OXR1: variants seen among roughly 807,000 people sequenced by gnomAD.
OXR1 encodes the protein oxidation resistance protein 1.
A neutral mutation model predicts 104.6 loss-of-function variants in OXR1; 41 were observed. The ratio of observed to expected loss-of-function variants is 0.39; its 90% confidence interval spans 0.31 to 0.51. The LOEUF is 0.51. Ranked by LOEUF, OXR1 falls within the 20% of genes least tolerant of loss-of-function variation. OXR1 has a pLI of 0.77. For synonymous variants in OXR1, 348 were observed against 348.4 expected, an observed-to-expected ratio of 1.00 and a Z score of 0.01; for missense variants, 955 against 1,031.9, an observed-to-expected ratio of 0.93 and a Z score of 1.02.
chr8:106,555,571 A>G (rs10429432), intron 3 of OXR1, among the ~76,000 whole-genome samples: 63,051 of 151,772 alleles, frequency 0.42, 13,326 homozygotes, highest in Admixed American at 0.45. Context: ...CCCAATTCCA[A>G]TGGAATATAA....
intron 2 of OXR1, among the ~76,000 whole-genome samples, chr8:106,404,092 G>A (rs1586609378): frequency 6.6e-6 from 1 of 152,130 alleles, no homozygotes; most frequent in Admixed American, 6.6e-5. Context: ...TCAGATGGGG[G>A]TGGAAAGCCC....
At chr8:106,637,340 T>C (rs1823229194) in intron 3 of OXR1, among the ~76,000 whole-genome samples, 1 of 152,156 alleles carries the variant, frequency 6.6e-6, no homozygotes, top group Non-Finnish European at 1.5e-5. Flanking sequence ...TATATATATA[T>C]ATCCAAAATG....
At chr8:106,410,995 C>G (rs1179144816) in intron 2 of OXR1, among the ~76,000 whole-genome samples, 1 of 152,036 alleles carries the variant, frequency 6.6e-6, no homozygotes, top group East Asian at 1.9e-4. Context: ...TGGTACTATG[C>G]TAAGTGCTGA....
intron 2 of OXR1, among the ~76,000 whole-genome samples, chr8:106,427,441 A>G (rs1272253143): frequency 6.6e-6 from 1 of 152,148 alleles, no homozygotes; most frequent in East Asian, 1.9e-4. Context: ...GGCTGGGATT[A>G]CAGGCATGAA....
At chr8:106,291,565 G>T (rs1812752625) in intron 1 of OXR1, among the ~76,000 whole-genome samples, 1 of 152,168 alleles carries the variant, frequency 6.6e-6, no homozygotes, top group Admixed American at 6.5e-5. Flanking sequence ...CAAGGTTTCT[G>T]TTACCAGTGG....
At chr8:106,326,223 A>T (rs1255455145) in intron 1 of OXR1, among the ~76,000 whole-genome samples, 1 of 152,224 alleles carries the variant, frequency 6.6e-6, no homozygotes, top group Admixed American at 6.5e-5. Flanking sequence ...AGCATTCCCA[A>T]GGTAAAGCAG....
chr8:106,455,959 CA>C (rs1820575790), intron 2 of OXR1, among the ~76,000 whole-genome samples: 2 of 152,110 alleles, frequency 1.3e-5, no homozygotes, highest in African/African-American at 4.8e-5. Context: ...TTTTCTATAA[CA>C]TTTTTATAAC....
In OXR1 at chr8:106,685,291, T is replaced by G. The variant is rs576893748; in HGVS notation, c.525+932T>G. On this transcript the variant is annotated intron_variant, in intron 6 of 16. Coordinates refer to ENST00000517566, the MANE Select transcript of OXR1 (RefSeq NM_001198533.2). ...AAAGAGATGTACTCATAAGGGGCAA[T>G]GACAAAGTAACTACGTAGCCTTAGG... Among the ~76,000 whole-genome samples, 37 of 152,272 alleles carry G rather than the reference T, an allele frequency of 2.4e-4. No individual in the cohort carries two copies. The South Asian group carries it at 7.5e-3, about 31-fold the overall frequency.
intron 3 of OXR1, among the ~76,000 whole-genome samples, chr8:106,557,030 C>A (rs548642782): frequency 3.0e-4 from 45 of 152,202 alleles, no homozygotes; most frequent in African/African-American, 1.0e-3. Context: ...TCTTTTTTCC[C>A]CAAACTCTTA....
chr8:106,744,902 T>C (rs1279494117), intron 15 of OXR1, among the ~76,000 whole-genome samples: 1 of 152,176 alleles, frequency 6.6e-6, no homozygotes, highest in African/African-American at 2.4e-5. Flanking sequence ...CTTAACTAGC[T>C]CACCAGAATA....
At chr8:106,596,390 G>A (rs533637019) in intron 3 of OXR1, among the ~76,000 whole-genome samples, 5 of 152,222 alleles carry the variant, frequency 3.3e-5, no homozygotes, top group Admixed American at 2.6e-4. Context: ...AGTTTGCAGT[G>A]AGTTGAGATC....
In OXR1 at chr8:106,341,390, C is replaced by CATATATATATATATATATAT. The variant is rs138432601; in HGVS notation, c.-138-18069_-138-18068insTATATATATATATATATATA. On this transcript the variant is annotated intron_variant, in intron 1 of 16. Transcript: ENST00000517566. The stretch of plus-strand genomic sequence containing the variant: ...CTCATTTATTCAATTAGTCAATCTA[C>CATATATATATATATATATAT]ATATATATATATATATACTTTCTAA... Among the ~76,000 whole-genome samples the CATATATATATATATATATAT allele has an allele frequency of 8.5e-3, 1,242 of 145,816 alleles. 10 individuals are homozygous for CATATATATATATATATATAT. Among genetic ancestry groups the CATATATATATATATATATAT allele is most frequent in the Non-Finnish European group, 9.9e-3 (658 of 66,188 alleles).
intron 3 of OXR1, among the ~76,000 whole-genome samples, chr8:106,669,899 G>A (rs1826759186): frequency 1.3e-5 from 2 of 152,092 alleles, no homozygotes; most frequent in Admixed American, 1.3e-4. Context: ...AGGTAATTCA[G>A]ACTATCCTGC....
intron 2 of OXR1, among the ~76,000 whole-genome samples, chr8:106,387,830 A>T (rs888755181): frequency 6.6e-6 from 1 of 152,224 alleles, no homozygotes; most frequent in Non-Finnish European, 1.5e-5. Flanking sequence ...TATGCATCAC[A>T]TCAGTACTAA....
intron 11 of OXR1, among the ~76,000 whole-genome samples, chr8:106,733,961 C>A (rs1834141074): frequency 6.7e-6 from 1 of 148,546 alleles, no homozygotes. Context: ...TTTTTCAAAT[C>A]AAACTTCACT....
At chr8:106,652,272 G>C (rs1391105336) in intron 3 of OXR1, among the ~76,000 whole-genome samples, 1 of 152,088 alleles carries the variant, frequency 6.6e-6, no homozygotes, top group Non-Finnish European at 1.5e-5. Flanking sequence ...AGGAGCTTAA[G>C]AGAGGCAGCA....
At chr8:106,289,904 A>G (rs899102076) in intron 1 of OXR1, among the ~76,000 whole-genome samples, 1 of 152,116 alleles carries the variant, frequency 6.6e-6, no homozygotes, top group Non-Finnish European at 1.5e-5. Flanking sequence ...TGATGGTTTT[A>G]TAAGGGACTT....
intron 1 of OXR1, among the ~76,000 whole-genome samples, chr8:106,340,881 A>G (rs1815218969): frequency 6.6e-6 from 1 of 152,186 alleles, no homozygotes; most frequent in East Asian, 1.9e-4. Flanking sequence ...TGTATTATTC[A>G]ACATTTACTG....
chr8:106,683,157 C>T (rs750485703), intron 4 of OXR1, 42 bp from the exon 5 acceptor site: 1 of 976,584 alleles, frequency 1.0e-6, no homozygotes, highest in South Asian at 1.4e-5. Context: ...TTTAGTTTTT[C>T]TGTTTTAAAC....
Sources: allele counts gnomAD v4.1 joint callset (sites outside exome capture counted in the v4.1 genomes callset), GRCh38; gene constraint gnomAD v4.1.1; transcripts MANE v1.5; gene names NCBI Gene and HGNC (gene_info 2026-07-23, HGNC 2026-07-21).